The following SMG6 variants were observed in gnomAD, a reference collection of about 807,000 sequenced individuals.
SMG6 encodes telomerase-binding protein EST1A.
A neutral mutation model predicts 142.2 loss-of-function variants in SMG6; 66 were observed. That is an observed-to-expected ratio of 0.46 (90% CI 0.38 to 0.57). The LOEUF is 0.57. SMG6 is among the 20% of genes least tolerant of loss of function. SMG6 has a pLI of 0.00. For missense variants in SMG6, 1,793 were observed against 1,832.0 expected (o/e 0.98, Z 0.39); for synonymous variants, 779 against 702.4 (o/e 1.11, Z -1.72).
At chr17:2,130,794 C>G (rs1195704789) in intron 13 of SMG6, among the ~76,000 whole-genome samples, 1 of 149,870 alleles carries the variant, frequency 6.7e-6, no homozygotes, top group Non-Finnish European at 1.5e-5. Context: ...ATCACAAGGT[C>G]AGGAGTTTGA....
intron 13 of SMG6, among the ~76,000 whole-genome samples, chr17:2,156,216 T>C (rs2070997915): frequency 6.7e-6 from 1 of 150,208 alleles, no homozygotes; most frequent in Admixed American, 6.6e-5. Context: ...ATAATGAAAC[T>C]CTGTCTCTAC....
At chr17:2,277,381 T>C (rs899651998) in intron 8 of SMG6, among the ~76,000 whole-genome samples, 1 of 151,934 alleles carries the variant, frequency 6.6e-6, no homozygotes, top group Non-Finnish European at 1.5e-5. Flanking sequence ...TTAGCCAGGA[T>C]GGTCTCGATC....
intron 8 of SMG6, among the ~76,000 whole-genome samples, chr17:2,249,198 T>C (rs2073994514): frequency 6.6e-6 from 1 of 152,008 alleles, no homozygotes; most frequent in South Asian, 2.1e-4. Context: ...AACTCTTAAC[T>C]GACCCCAAAC....
At chr17:2,198,824 A>G (rs2072416521) in intron 10 of SMG6, among the ~76,000 whole-genome samples, 1 of 152,160 alleles carries the variant, frequency 6.6e-6, no homozygotes, top group African/African-American at 2.4e-5. Context: ...CCCTGTCCAG[A>G]TGCTGGAGCC....
chr17:2,129,928 T>C (rs1242757685), intron 13 of SMG6, among the ~76,000 whole-genome samples: 2 of 151,326 alleles, frequency 1.3e-5, no homozygotes, highest in African/African-American at 2.4e-5. Context: ...AACAAGACAG[T>C]TCAGTAAAGT....
At chr17:2,070,777 A>G (rs1384771196) in intron 15 of SMG6, among the ~76,000 whole-genome samples, 1 of 152,146 alleles carries the variant, frequency 6.6e-6, no homozygotes, top group African/African-American at 2.4e-5. Context: ...TCATGAGAGC[A>G]AGGTGCCACT....
At chr17:2,186,863 T>C (rs752827895) in intron 11 of SMG6, 32 bp from the exon 12 acceptor site, 1 of 1,609,444 alleles carries the variant, frequency 6.2e-7, no homozygotes, top group East Asian at 2.2e-5. Context: ...ACTGGGCCTA[T>C]GTCTGCTGTA....
rs1176856402 is a variant in SMG6 at position 2,061,343 on chromosome 17, C to G, written c.*149G>C. 13 of 779,246 alleles carry G rather than the reference C, an allele frequency of 1.7e-5. No individual in the cohort carries two copies. The highest frequency in any genetic ancestry group is 1.3e-4 in the Admixed American group (5 of 38,002). The allele number at this position is 779,246 out of a possible 1,614,324, so 48.3% of individuals were successfully genotyped here. On this transcript the variant is annotated 3_prime_UTR_variant, in exon 19 of 19. Transcript: ENST00000263073. ...GGCTCTGTGAGGAGCAGGTCCCCCA[C>G]AGCATGGCCGTGGCGTGGGTTGGAA...
intron 10 of SMG6, chr17:2,215,628 A>G (rs1387403637): frequency 2.0e-5 from 3 of 152,156 alleles, no homozygotes; most frequent in African/African-American, 7.2e-5. Context: ...CAGCAGGGTG[A>G]TCAGCGTGCT....
intron 8 of SMG6, among the ~76,000 whole-genome samples, chr17:2,251,323 G>A (rs886882158): frequency 2.6e-5 from 4 of 151,082 alleles, no homozygotes; most frequent in African/African-American, 9.7e-5. Flanking sequence ...TGCCTCGTAG[G>A]AAGATGTAGC....
chr17:2,299,503 A>C lies in SMG6; in HGVS notation c.1250T>G (p.Leu417Arg). The C allele has an allele frequency of 6.2e-7, 1 of 1,614,126 alleles. No individual in the cohort carries two copies. Among genetic ancestry groups the C allele is most frequent in the Non-Finnish European group, 8.5e-7 (1 of 1,180,014 alleles). Residue 417 changes from leucine to arginine, a missense_variant, in exon 2 of 19, where the codon CTA becomes CGA. Coordinates refer to ENST00000263073, the MANE Select transcript of SMG6 (RefSeq NM_017575.5). The surrounding 1 kb of genome is among the most constrained non-coding windows in gnomAD (Gnocchi z 4.3). ...GILILPAHTTLSVNSAGSPES... is the reference protein window; with the variant it reads ...GILILPAHTTRSVNSAGSPES... Reference sequence around the variant, plus strand: ...TGGAGAACCTGCTGAATTGACAGATAGGGTGGTATGGGCAGGCAAAATCAG... The same window carrying C: ...TGGAGAACCTGCTGAATTGACAGATCGGGTGGTATGGGCAGGCAAAATCAG...
At chr17:2,275,518 C>T (rs2074630107) in intron 8 of SMG6, among the ~76,000 whole-genome samples, 1 of 152,200 alleles carries the variant, frequency 6.6e-6, no homozygotes, top group African/African-American at 2.4e-5. Flanking sequence ...ACATGTATTA[C>T]ATTCTATTCA....
rs116854781 is a variant in SMG6, at chr17:2,109,506, C to T, written c.3358-23605G>A. 5.3e-5 allele frequency among the ~76,000 whole-genome samples: 8 copies of T among 152,286 alleles called. No homozygotes were observed. In the East Asian group the frequency reaches 1.2e-3, roughly 22 times the overall value. ...CTTGAATTGCTGGCCTCAAGTGATCCGCCTGCCTCAGCCTCTCAAAGTGCT... is the reference window on the plus strand; with the variant it reads ...CTTGAATTGCTGGCCTCAAGTGATCTGCCTGCCTCAGCCTCTCAAAGTGCT... On this transcript the variant is annotated intron_variant, in intron 13 of 18. Transcript: ENST00000263073.
chr17:2,271,055 T>C (rs2074532517), intron 8 of SMG6, among the ~76,000 whole-genome samples: 1 of 151,876 alleles, frequency 6.6e-6, no homozygotes, highest in South Asian at 2.1e-4. Flanking sequence ...TCCCAGCACT[T>C]TGGGAGGTTG....
intron 18 of SMG6, among the ~76,000 whole-genome samples, 176 bp downstream of exon 18, chr17:2,064,897 T>TG (rs1555529315): frequency 6.6e-6 from 1 of 151,896 alleles, no homozygotes; most frequent in Non-Finnish European, 1.5e-5. Context: ...TGGCATTCCC[T>TG]GGGGCTGGGG....
chr17:2,165,890 G>A (rs2071322798), intron 13 of SMG6, among the ~76,000 whole-genome samples: 1 of 152,126 alleles, frequency 6.6e-6, no homozygotes, highest in Admixed American at 6.6e-5. Context: ...GGGTGACAGA[G>A]TGAGACACTG....
chr17:2,073,974 G>A lies in SMG6; in HGVS notation c.3682-5043C>T, dbSNP rs113076201. Among the ~76,000 whole-genome samples the A allele has an allele frequency of 5.6e-3, 846 of 152,014 alleles. 3 individuals carry two copies. Among genetic ancestry groups the A allele is most frequent in the Non-Finnish European group, 8.8e-3 (599 of 67,960 alleles). ...CATGCCTGTAGTCCCAGCTACTCGG[G>A]AGGCTGAGGCAGGAGAATCGCTTAA... On this transcript the variant is annotated intron_variant, in intron 15 of 18. Coordinates refer to ENST00000263073, the MANE Select transcript of SMG6 (RefSeq NM_017575.5).
At chr17:2,181,523 C>A (rs893795149) in intron 12 of SMG6, among the ~76,000 whole-genome samples, 8 of 152,196 alleles carry the variant, frequency 5.3e-5, no homozygotes, top group Admixed American at 5.2e-4. Flanking sequence ...CTCTCTAGCC[C>A]GGACTGGCTT....
intron 13 of SMG6, among the ~76,000 whole-genome samples, chr17:2,155,908 G>C (rs2070984837): frequency 1.3e-5 from 2 of 152,152 alleles, no homozygotes; most frequent in Admixed American, 1.3e-4. Flanking sequence ...ATTGTTATCA[G>C]GGGAAGAAGC....
Sources: gnomAD v4.1 joint callset for allele counts (sites outside exome capture counted in the v4.1 genomes callset) on GRCh38, gnomAD v4.1.1 for gene constraint, Gnocchi (gnomAD v3.1) non-coding constraint, MANE v1.5 for transcripts, NCBI Gene and HGNC (gene_info 2026-07-23, HGNC 2026-07-21) for gene names.